Variants in MGAT4C observed in about 807,000 individuals in gnomAD.
MGAT4C encodes the protein alpha-1,3-mannosyl-glycoprotein 4-beta-N-acetylglucosaminyltransferase C.
Under a neutral mutation model 40.1 loss-of-function variants are expected in MGAT4C, and 19 were observed. The ratio of observed to expected loss-of-function variants is 0.47; its 90% CI spans 0.33 to 0.70. The LOEUF (loss-of-function observed/expected upper bound fraction) is 0.70, where lower values mean the gene tolerates loss of function less well. Ranked by LOEUF, MGAT4C falls within the 30% of genes least tolerant of loss-of-function variation. MGAT4C has a pLI of 0.02. For missense variants in MGAT4C, 491 were observed against 563.2 expected (o/e 0.87, Z 1.30); for synonymous variants, 181 against 187.1 (o/e 0.97, Z 0.27).
In MGAT4C at chr12:86,358,640, A is replaced by T. The variant is rs886719337; in HGVS notation, c.-119-24513T>A. Among the ~76,000 whole-genome samples, 71 of 152,314 alleles carry T rather than the reference A, an allele frequency of 4.7e-4. 1 individual carries two copies. The highest frequency in any genetic ancestry group is 9.6e-4 in the Non-Finnish European group (65 of 68,020). On this transcript the variant is annotated intron_variant, in intron 3 of 7. Transcript: ENST00000548651. ...ATAAAGGGATGGAGGAAGATCTACC[A>T]AGGAAATGGAAAACAAAAAAAAGCA...
chr12:86,799,081 T>A (rs975058792), intron 1 of MGAT4C, among the ~76,000 whole-genome samples: 3 of 151,832 alleles, frequency 2.0e-5, no homozygotes, highest in Admixed American at 1.3e-4. Flanking sequence ...AAATTCAGCA[T>A]ACAAAAATCA....
chr12:86,363,559 AC>A (rs1325479423), intron 3 of MGAT4C, among the ~76,000 whole-genome samples: 3 of 152,060 alleles, frequency 2.0e-5, no homozygotes, highest in African/African-American at 7.2e-5. Context: ...TAAACTAGAA[AC>A]TAAGAAGAAA....
intron 1 of MGAT4C, among the ~76,000 whole-genome samples, chr12:86,069,134 T>A (rs1339150420): frequency 7.0e-6 from 1 of 142,128 alleles, no homozygotes; most frequent in Non-Finnish European, 1.6e-5. Flanking sequence ...TGTCATTTTT[T>A]TCTGGAATTT....
chr12:86,833,937 T>C (rs1047947705), intron 1 of MGAT4C, among the ~76,000 whole-genome samples: 4 of 151,774 alleles, frequency 2.6e-5, no homozygotes, highest in African/African-American at 9.7e-5. Context: ...CCATTACCAA[T>C]TTGTTTGGCT....
intron 1 of MGAT4C, among the ~76,000 whole-genome samples, chr12:86,236,964 C>T (rs187401071): frequency 6.6e-6 from 1 of 150,864 alleles, no homozygotes. Flanking sequence ...TCGTATGTCC[C>T]GTTAGCTCAG....
chr12:86,785,133 A>G, intron 1 of MGAT4C, among the ~76,000 whole-genome samples: 1 of 152,062 alleles, frequency 6.6e-6, no homozygotes, highest in Non-Finnish European at 1.5e-5. Flanking sequence ...TACAGTCGCT[A>G]AATTATGGAG....
chr12:86,700,166 CAGACAGACAGACAGATAGAT>C (rs1352203319), intron 2 of MGAT4C, among the ~76,000 whole-genome samples: 4,935 of 94,306 alleles, frequency 0.052, 113 homozygotes, highest in Non-Finnish European at 0.066. Flanking sequence ...GACAGACAGA[CAGACAGACAGACAGATAGAT>C]AGATAGATAG....
intron 1 of MGAT4C, among the ~76,000 whole-genome samples, chr12:86,781,884 A>G (rs904208159): frequency 6.6e-6 from 1 of 152,022 alleles, no homozygotes; most frequent in East Asian, 1.9e-4. Context: ...TAGCACTCTT[A>G]AAGTGTTTTT....
intron 2 of MGAT4C, among the ~76,000 whole-genome samples, chr12:86,042,631 C>T (rs900132427): frequency 3.3e-5 from 5 of 151,734 alleles, no homozygotes; most frequent in East Asian, 1.9e-4. Flanking sequence ...AATGGGAGTT[C>T]GAGGTGGGCA....
chr12:86,623,767 T>C (rs1295353787), intron 2 of MGAT4C, among the ~76,000 whole-genome samples: 1 of 152,168 alleles, frequency 6.6e-6, no homozygotes. Context: ...CTGAGAACAA[T>C]GTATGAAACA....
At chr12:86,511,171 C>T (rs897502976) in intron 2 of MGAT4C, among the ~76,000 whole-genome samples, 3 of 151,786 alleles carry the variant, frequency 2.0e-5, no homozygotes, top group Non-Finnish European at 4.4e-5. Flanking sequence ...CAAACTAGAA[C>T]TCAGGATTAA....
chr12:86,714,597 C>G (rs1162790957), intron 2 of MGAT4C, among the ~76,000 whole-genome samples: 1 of 152,050 alleles, frequency 6.6e-6, no homozygotes, highest in Non-Finnish European at 1.5e-5. Flanking sequence ...TGCCTGCCAC[C>G]ATGTAAGACA....
rs546988238 is a variant in MGAT4C, at chr12:85,975,270, A to C, written c.*4019T>G. On this transcript the variant is annotated 3_prime_UTR_variant, in exon 5 of 5. Transcript: ENST00000611864. The stretch of plus-strand genomic sequence containing the variant: ...TTTTTAAAGGGCAGTAAATTTTATA[A>C]TTGTTATTGATTACAATGAAGGCCT... 6.6e-6 allele frequency: 1 copy of C among 151,116 alleles called. No homozygotes were observed. Among genetic ancestry groups the C allele is most frequent in the Admixed American group, 6.6e-5 (1 of 15,132 alleles). The allele number at this position is 151,116 out of a possible 1,614,324, so 9.4% of individuals were successfully genotyped here. A position where few individuals can be genotyped will look rare whatever the true frequency, so the allele number is the denominator to read the frequency against.
chr12:86,315,022 AAAAC>A (rs1298809705), intron 4 of MGAT4C, among the ~76,000 whole-genome samples: 3 of 151,956 alleles, frequency 2.0e-5, no homozygotes, highest in Non-Finnish European at 4.4e-5. Context: ...GAACTGAAAA[AAAAC>A]AAGCCTGAAT....
At chr12:86,409,833 A>G (rs1956567121) in intron 3 of MGAT4C, among the ~76,000 whole-genome samples, 1 of 152,176 alleles carries the variant, frequency 6.6e-6, no homozygotes, top group African/African-American at 2.4e-5. Flanking sequence ...CAATTTTTCA[A>G]TGTAGGTATT....
rs1436766191 is a variant in MGAT4C, at chr12:85,979,224, A to G, written c.*65T>C. 1 of 1,326,058 alleles carries G rather than the reference A, an allele frequency of 7.5e-7. No individual in the cohort carries two copies. The highest frequency in any genetic ancestry group is 2.3e-5 in the East Asian group (1 of 42,874). 82.1% of individuals were successfully genotyped at this position (1,326,058 alleles called of 1,614,324 possible). A position where few individuals can be genotyped will look rare whatever the true frequency, so the allele number is the denominator to read the frequency against. On this transcript the variant is annotated 3_prime_UTR_variant, in exon 5 of 5. Transcript: ENST00000611864. Reference sequence around the variant, plus strand: ...CCATCCATTGCTTTCCCTCCAAAAGACAAAGGTAGCAAAAGACGAAGCAGG... The same window carrying G: ...CCATCCATTGCTTTCCCTCCAAAAGGCAAAGGTAGCAAAAGACGAAGCAGG...
chr12:86,732,087 C>T (rs1950919850), intron 1 of MGAT4C, among the ~76,000 whole-genome samples: 1 of 152,100 alleles, frequency 6.6e-6, no homozygotes, highest in African/African-American at 2.4e-5. Flanking sequence ...ATACCTTGTG[C>T]TTTGAAAATA....
At chr12:86,445,482 T>C (rs1957317297) in intron 2 of MGAT4C, among the ~76,000 whole-genome samples, 1 of 152,152 alleles carries the variant, frequency 6.6e-6, no homozygotes, top group Non-Finnish European at 1.5e-5. Context: ...TTTGAGAAAC[T>C]GGCAATACAT....
intron 1 of MGAT4C, among the ~76,000 whole-genome samples, chr12:86,147,249 T>G (rs1024250414): frequency 1.3e-5 from 2 of 152,034 alleles, no homozygotes; most frequent in Non-Finnish European, 2.9e-5. Context: ...TTATTAAATT[T>G]TTTTTTTTTT....
Sources: gnomAD v4.1 joint callset for allele counts (sites outside exome capture counted in the v4.1 genomes callset) on GRCh38, gnomAD v4.1.1 for gene constraint, MANE v1.5 for transcripts, NCBI Gene and HGNC (gene_info 2026-07-23, HGNC 2026-07-21) for gene names.